IMMP2L: variants seen among roughly 807,000 people sequenced by gnomAD.
The protein encoded by IMMP2L is mitochondrial inner membrane protease subunit 2.
In IMMP2L, 18 loss-of-function variants were observed where a neutral mutation model predicts 19.3. The ratio of observed to expected loss-of-function variants is 0.93; its 90% CI spans 0.64 to 1.38. The LOEUF is 1.38. Ranked by LOEUF, IMMP2L falls within the 40% of genes most tolerant of loss-of-function variation. The probability of loss-of-function intolerance (pLI) is 0.00; values close to 1 mark genes in which losing one functional copy is unlikely to be tolerated. For missense variants in IMMP2L, 233 were observed against 218.2 expected, an observed-to-expected ratio of 1.07 and a Z score of -0.43; for synonymous variants, 76 against 73.0, an observed-to-expected ratio of 1.04 and a Z score of -0.21.
At chr7:111,082,776 G>A (rs1047806205) in intron 3 of IMMP2L, among the ~76,000 whole-genome samples, 1 of 150,612 alleles carries the variant, frequency 6.6e-6, no homozygotes, top group African/African-American at 2.5e-5. Context: ...GATGTAAGAA[G>A]TGCTCTTAAT....
chr7:110,716,968 G>A (rs1795269120), intron 5 of IMMP2L, among the ~76,000 whole-genome samples: 1 of 152,044 alleles, frequency 6.6e-6, no homozygotes. Flanking sequence ...TTAGAAATGT[G>A]GAATTACATT....
chr7:111,073,135 C>T (rs190766811), intron 3 of IMMP2L, among the ~76,000 whole-genome samples: 117 of 152,106 alleles, frequency 7.7e-4, no homozygotes, highest in African/African-American at 2.6e-3. Flanking sequence ...GAAAGGATGT[C>T]GGGTTAAAGG....
intron 1 of IMMP2L, among the ~76,000 whole-genome samples, chr7:111,542,920 A>C (rs1848614925): frequency 6.6e-6 from 1 of 152,156 alleles, no homozygotes; most frequent in Admixed American, 6.6e-5. Flanking sequence ...GTTGAAACAA[A>C]AGAAACATAA....
chr7:110,915,423 G>A (rs1191289968), intron 4 of IMMP2L, among the ~76,000 whole-genome samples: 1 of 132,392 alleles, frequency 7.6e-6, no homozygotes, highest in Non-Finnish European at 1.6e-5. Flanking sequence ...CAAATTCATA[G>A]AAGAAGAGAG....
At chr7:111,126,044 A>G (rs1018904853) in intron 3 of IMMP2L, among the ~76,000 whole-genome samples, 1 of 152,030 alleles carries the variant, frequency 6.6e-6, no homozygotes, top group Non-Finnish European at 1.5e-5. Context: ...GCTGCTCTCG[A>G]ACTCCTGGCC....
At chr7:111,000,687 T>C (rs1054114892) in intron 3 of IMMP2L, among the ~76,000 whole-genome samples, 1 of 151,936 alleles carries the variant, frequency 6.6e-6, no homozygotes, top group Admixed American at 6.6e-5. Flanking sequence ...CTATTAAAAC[T>C]ACAAAAAGTA....
chr7:111,262,459 G>A (rs927737506), intron 3 of IMMP2L, among the ~76,000 whole-genome samples: 8 of 152,022 alleles, frequency 5.3e-5, no homozygotes, highest in Admixed American at 4.6e-4. Context: ...TGCTGTGCTT[G>A]TATGAGTGGG....
chr7:111,039,480 G>T (rs1057034949), intron 3 of IMMP2L, among the ~76,000 whole-genome samples: 9 of 152,128 alleles, frequency 5.9e-5, no homozygotes, highest in Admixed American at 3.9e-4. Context: ...GTTTGGTAAA[G>T]CTTATGAGTA....
intron 5 of IMMP2L, among the ~76,000 whole-genome samples, chr7:110,822,131 A>C (rs1803088496): frequency 6.6e-6 from 1 of 152,068 alleles, no homozygotes; most frequent in Non-Finnish European, 1.5e-5. Flanking sequence ...CCTAAACCTA[A>C]GTTTTCTCCT....
intron 5 of IMMP2L, among the ~76,000 whole-genome samples, chr7:110,841,824 T>C (rs1174339194): frequency 6.6e-6 from 1 of 152,178 alleles, no homozygotes; most frequent in Non-Finnish European, 1.5e-5. Context: ...CATTATCAAA[T>C]TGTCTAAGAA....
rs144435318 is a variant in IMMP2L at position 111,035,122 on chromosome 7, T to A, written c.240-71557A>T. On this transcript the variant is annotated intron_variant, in intron 3 of 5. Coordinates refer to ENST00000405709, the MANE Select transcript of IMMP2L (RefSeq NM_032549.4). The stretch of plus-strand genomic sequence containing the variant: ...GAGACAGGATCAAATAAAGCCCTGC[T>A]TCAAAACTGTAACTGCTTCTCCAAG... 7.6e-3 allele frequency among the ~76,000 whole-genome samples: 1,152 copies of A among 152,206 alleles called. 11 individuals are homozygous for A. The highest frequency in any genetic ancestry group is 0.023 in the South Asian group (109 of 4,824).
chr7:111,515,157 G>C (rs1845775128), intron 2 of IMMP2L, among the ~76,000 whole-genome samples: 2 of 152,068 alleles, frequency 1.3e-5, no homozygotes. Context: ...GATTCTATAA[G>C]GCCTGGTTGC....
At position 111,255,848 on chromosome 7, in the gene IMMP2L, A is replaced by C. The variant is rs567250125; in HGVS notation, c.239+231390T>G. ...AAGCTTTATAATTCTTTCCAAGAAAAGGTTATCTATCTATACAATGCTTCT... is the reference window on the plus strand; with the variant it reads ...AAGCTTTATAATTCTTTCCAAGAAACGGTTATCTATCTATACAATGCTTCT... On this transcript the variant is annotated intron_variant, in intron 3 of 5. Transcript: ENST00000405709. 1.0e-3 allele frequency among the ~76,000 whole-genome samples: 153 copies of C among 152,182 alleles called. 1 individual carries two copies. Among genetic ancestry groups the C allele is most frequent in the African/African-American group, 3.5e-3 (147 of 41,566 alleles).
At chr7:111,214,512 T>G (rs907513995) in intron 3 of IMMP2L, among the ~76,000 whole-genome samples, 5 of 143,558 alleles carry the variant, frequency 3.5e-5, no homozygotes, top group Non-Finnish European at 4.6e-5. Context: ...CTGTTTTTTT[T>G]TTTTTTTTTT....
intron 3 of IMMP2L, among the ~76,000 whole-genome samples, chr7:110,994,691 T>A (rs1316412945): frequency 6.6e-6 from 1 of 152,136 alleles, no homozygotes; most frequent in East Asian, 1.9e-4. Flanking sequence ...AGAAATACAT[T>A]TTTACCTTGT....
At chr7:111,431,342 A>C (rs1201389418) in intron 3 of IMMP2L, among the ~76,000 whole-genome samples, 1 of 151,896 alleles carries the variant, frequency 6.6e-6, no homozygotes, top group Non-Finnish European at 1.5e-5. Flanking sequence ...TGTAAAGAGA[A>C]ATTGTTGTAC....
In IMMP2L at chr7:111,163,497, A is replaced by T. The variant is rs185234180; in HGVS notation, c.240-199932T>A. On this transcript the variant is annotated intron_variant, in intron 3 of 5. Coordinates refer to ENST00000405709, the MANE Select transcript of IMMP2L (RefSeq NM_032549.4). ...CTTGACACTCTGAAAAAAAGTTGAT[A>T]ATCCCCTAACTGTCAATATTCTGGA... Among the ~76,000 whole-genome samples the T allele has an allele frequency of 1.6e-4, 24 of 152,214 alleles. No individual in the cohort carries two copies. The East Asian group carries it at 4.7e-3, about 30-fold the overall frequency.
At position 111,064,224 on chromosome 7, in the gene IMMP2L, T is replaced by A. The variant is rs140190978; in HGVS notation, c.240-100659A>T. Among the ~76,000 whole-genome samples, 3 of 152,200 alleles carry A rather than the reference T, an allele frequency of 2.0e-5. No individual in the cohort carries two copies. The East Asian group carries it at 5.8e-4, about 29-fold the overall frequency. ...TAAACCATCAGATCTCATGGGATGC[T>A]TTCACTATCATAAGACCAGCTCAGG... On this transcript the variant is annotated intron_variant, in intron 3 of 5. Coordinates refer to ENST00000405709, the MANE Select transcript of IMMP2L (RefSeq NM_032549.4).
chr7:111,437,654 C>T (rs1837313961), intron 3 of IMMP2L, among the ~76,000 whole-genome samples: 1 of 151,740 alleles, frequency 6.6e-6, no homozygotes, highest in Non-Finnish European at 1.5e-5. Context: ...TTCTTCTAAA[C>T]CAGCCATCTG....
Sources: gnomAD v4.1 joint callset for allele counts (sites outside exome capture counted in the v4.1 genomes callset) on GRCh38, gnomAD v4.1.1 for gene constraint, MANE v1.5 for transcripts, NCBI Gene and HGNC (gene_info 2026-07-23, HGNC 2026-07-21) for gene names.